The following WDHD1 variants were observed in gnomAD, a reference collection of about 807,000 sequenced individuals.
The protein encoded by WDHD1 is WD repeat and HMG-box DNA binding protein 1.
Under a neutral mutation model 135.4 loss-of-function variants are expected in WDHD1, and 111 were observed. The ratio of observed to expected loss-of-function variants is 0.82; its 90% confidence interval spans 0.70 to 0.96. WDHD1 has a LOEUF of 0.96. Among genes scored for constraint, WDHD1 ranks in the 40% least tolerant of loss-of-function variants. The probability of loss-of-function intolerance (pLI) is 0.00; values close to 1 mark genes in which losing one functional copy is unlikely to be tolerated. For missense variants in WDHD1, 1,351 were observed against 1,336.3 expected (o/e 1.01, Z -0.17); for synonymous variants, 434 against 439.0 (o/e 0.99, Z 0.14).
rs1422396719 is a variant in WDHD1, at chr14:54,971,006, A to G, written c.2064-3612T>C. Among the ~76,000 whole-genome samples, 4 of 152,354 alleles carry G rather than the reference A, an allele frequency of 2.6e-5. No homozygotes were observed. The East Asian group carries it at 5.8e-4, about 22-fold the overall frequency. ...GAACTGGGAAAGGAATCCCTACTCA[A>G]TAAATGGTGCTGAGATAACTGGCTA... On this transcript the variant is annotated intron_variant, in intron 16 of 25. Transcript: ENST00000360586.
In WDHD1 at chr14:55,000,999, A is replaced by G; in HGVS notation, c.694-7T>C. On this transcript the variant is annotated splice_polypyrimidine_tract_variant and splice_region_variant and intron_variant, in intron 8 of 25. Coordinates refer to ENST00000360586, the MANE Select transcript of WDHD1 (RefSeq NM_007086.4). ...AGGTTACTATATTGAGGGTCTGTAA[A>G]GAAAAACAGTTAATAAATAATGATT... 1 of 1,479,814 alleles carries G rather than the reference A, an allele frequency of 6.8e-7. No individual in the cohort carries two copies. The highest frequency in any genetic ancestry group is 9.1e-7 in the Non-Finnish European group (1 of 1,097,240). 91.7% of individuals were successfully genotyped at this position (1,479,814 alleles called of 1,614,324 possible).
chr14:54,942,472 C>T (rs951533368), intron 25 of WDHD1, among the ~76,000 whole-genome samples: 3 of 152,012 alleles, frequency 2.0e-5, no homozygotes, highest in Non-Finnish European at 4.4e-5. Flanking sequence ...CTCATTTGAG[C>T]GTATGTATGT....
At chr14:54,962,587 G>A (rs374931650) in intron 20 of WDHD1, 36 bp from the exon 21 acceptor site, 164 of 1,559,234 alleles carry the variant, frequency 1.1e-4, no homozygotes, top group Non-Finnish European at 1.3e-4. Flanking sequence ...ATGTAAATGG[G>A]GAAAATATAG....
intron 24 of WDHD1, among the ~76,000 whole-genome samples, chr14:54,955,114 G>A (rs1566708303): frequency 1.3e-5 from 2 of 152,234 alleles, no homozygotes; most frequent in East Asian, 1.9e-4. Context: ...AGAATAATGT[G>A]TAAAACAAAA....
At position 54,995,228 on chromosome 14, in the gene WDHD1, A is replaced by G. The variant is rs2041858225; in HGVS notation, c.1153+375T>C. On this transcript the variant is annotated intron_variant, in intron 11 of 25. Coordinates refer to ENST00000360586, the MANE Select transcript of WDHD1 (RefSeq NM_007086.4). ...ACTCCTGACCTCAAGTGATCTGCCC[A>G]TTTCAGCCTCCCAAAGTGCTGGGAT... Among the ~76,000 whole-genome samples the G allele has an allele frequency of 2.0e-5, 3 of 152,004 alleles. No individual in the cohort carries two copies. The South Asian group carries it at 6.2e-4, about 32-fold the overall frequency.
chr14:54,989,154 T>G lies in WDHD1; in HGVS notation c.1400A>C (p.Asp467Ala). The G allele has an allele frequency of 2.5e-6, 4 of 1,613,702 alleles. No individual in the cohort carries two copies. Among genetic ancestry groups the G allele is most frequent in the Non-Finnish European group, 3.4e-6 (4 of 1,179,784 alleles). Residue 467 changes from aspartate to alanine, a missense_variant, in exon 13 of 26, where the codon GAT (aspartate) becomes GCT (alanine). Coordinates refer to ENST00000360586, the MANE Select transcript of WDHD1 (RefSeq NM_007086.4). ...TATGGAGGTATCATGGAACTCCACA[T>G]CTATGGCATTGTCTTGCTCATCATT... ...CYNDEQDNAI[D>A]VEFHDTSIHH...
intron 2 of WDHD1, among the ~76,000 whole-genome samples, chr14:55,019,109 A>AT (rs1262099949): frequency 6.6e-6 from 1 of 152,222 alleles, no homozygotes; most frequent in Non-Finnish European, 1.5e-5. Context: ...GCTACAGCTA[A>AT]TTTTTTATGA....
At chr14:54,942,244 G>C (rs1029306012) in intron 25 of WDHD1, among the ~76,000 whole-genome samples, 2 of 143,396 alleles carry the variant, frequency 1.4e-5, no homozygotes, top group African/African-American at 5.4e-5. Flanking sequence ...GCAAGACTCC[G>C]TCTCAAAAAA....
chr14:54,993,844 T>C (rs757154970), intron 11 of WDHD1, among the ~76,000 whole-genome samples: 1 of 152,218 alleles, frequency 6.6e-6, no homozygotes, highest in Non-Finnish European at 1.5e-5. Flanking sequence ...TTCTGAATTT[T>C]AATTTCTAAT....
At chr14:55,010,001 T>G (rs1251762607) in intron 4 of WDHD1, among the ~76,000 whole-genome samples, 1 of 151,486 alleles carries the variant, frequency 6.6e-6, no homozygotes, top group African/African-American at 2.4e-5. Context: ...TTTGTATTAG[T>G]AGAGACGGGG....
At chr14:54,989,315 A>G (rs1257354827) in intron 12 of WDHD1, 103 bp from the exon 13 acceptor site, 1 of 885,518 alleles carries the variant, frequency 1.1e-6, no homozygotes, top group Non-Finnish European at 1.7e-6. Flanking sequence ...TTAAATTTGT[A>G]TTAAGATTTA....
intron 21 of WDHD1, among the ~76,000 whole-genome samples, chr14:54,960,312 T>TGA: frequency 6.8e-6 from 1 of 146,074 alleles, no homozygotes; most frequent in East Asian, 2.1e-4. Flanking sequence ...GGATTACAGG[T>TGA]GCCTGTCACC....
chr14:54,988,948 TTAAC>T (rs2041739814), intron 13 of WDHD1, 76 bp downstream of exon 13: 2 of 1,327,908 alleles, frequency 1.5e-6, no homozygotes, highest in African/African-American at 1.5e-5. Flanking sequence ...TTTTGTTTTA[TTAAC>T]TTTTTGTCTT....
At chr14:54,945,844 T>C (rs2040914979) in intron 24 of WDHD1, among the ~76,000 whole-genome samples, 1 of 151,844 alleles carries the variant, frequency 6.6e-6, no homozygotes, top group South Asian at 2.1e-4. Context: ...TGGCCCAGAG[T>C]CTCTTATGTT....
At chr14:54,994,475 T>C (rs377063976) in intron 11 of WDHD1, among the ~76,000 whole-genome samples, 105 of 152,280 alleles carry the variant, frequency 6.9e-4, no homozygotes, top group African/African-American at 2.4e-3. Flanking sequence ...TATAGTGCAT[T>C]TAAAATACAT....
rs752526924 is a variant in WDHD1 at position 54,962,820 on chromosome 14, T to C, written c.2565A>G (p.Pro855=). 32 of 1,613,114 alleles carry C rather than the reference T, an allele frequency of 2.0e-5. 1 individual carries two copies. In the South Asian group the frequency reaches 3.3e-4, roughly 17 times the overall value. The part of the protein sequence containing the change: ...YSNTATEWSQ[P]RFRNQVEEDA... The stretch of plus-strand genomic sequence containing the variant: ...CTTCTTCAACTTGATTTCTGAACCT[T>C]GGTTGGCTCCACTCTGTAGCAGTAT... Residue 855 remains proline, a synonymous_variant, in exon 20 of 26, where the codon CCA becomes CCG. Coordinates refer to ENST00000360586, the MANE Select transcript of WDHD1 (RefSeq NM_007086.4).
At chr14:54,966,164 T>TA (rs34071862) in intron 18 of WDHD1, among the ~76,000 whole-genome samples, 10,446 of 67,172 alleles carry the variant, frequency 0.16, 879 homozygotes, top group East Asian at 0.22. Flanking sequence ...CCATCTCTAC[T>TA]AAAAAAAAAA....
intron 5 of WDHD1, 98 bp from the exon 6 acceptor site, chr14:55,008,464 G>T: frequency 6.8e-7 from 1 of 1,473,200 alleles, no homozygotes; most frequent in Non-Finnish European, 9.2e-7. Context: ...TTATCAACTG[G>T]GTGAAATTTC....
intron 24 of WDHD1, among the ~76,000 whole-genome samples, chr14:54,953,889 G>A (rs548959921): frequency 1.8e-4 from 28 of 152,114 alleles, no homozygotes; most frequent in African/African-American, 5.1e-4. Flanking sequence ...ACCAAACACC[G>A]CATGTTCTCA....
Sources: allele counts gnomAD v4.1 joint callset (sites outside exome capture counted in the v4.1 genomes callset), GRCh38; gene constraint gnomAD v4.1.1; transcripts MANE v1.5; gene names NCBI Gene and HGNC (gene_info 2026-07-23, HGNC 2026-07-21).